The following PDE4D variants were observed in gnomAD, a reference collection of about 807,000 sequenced individuals.
PDE4D encodes the protein phosphodiesterase 4D, also known as 3',5'-cyclic-AMP phosphodiesterase 4D.
A neutral mutation model predicts 87.4 loss-of-function variants in PDE4D; 24 were observed. The observed-to-expected ratio is 0.27, with a 90% CI of 0.20 to 0.39. PDE4D has a LOEUF of 0.39. Among genes scored for constraint, PDE4D ranks in the 10% least tolerant of loss-of-function variants. The pLI is 1.00. For synonymous variants in PDE4D, 384 were observed against 383.2 expected (o/e 1.00, Z -0.02); for missense variants, 714 against 1,041.0 (o/e 0.69, Z 4.32).
chr5:59,874,620 A>C (rs1336740609), intron 1 of PDE4D, among the ~76,000 whole-genome samples: 1 of 152,240 alleles, frequency 6.6e-6, no homozygotes, highest in Non-Finnish European at 1.5e-5. Flanking sequence ...GTAATATTAT[A>C]TGTAAAAAAG....
intron 5 of PDE4D, among the ~76,000 whole-genome samples, chr5:59,081,909 G>T (rs1766843734): frequency 6.6e-6 from 1 of 152,010 alleles, no homozygotes; most frequent in Admixed American, 6.6e-5. Flanking sequence ...GAATCATAGG[G>T]CAGTTTCCCC....
intron 2 of PDE4D, among the ~76,000 whole-genome samples, chr5:60,046,571 C>G (rs970889267): frequency 2.0e-5 from 3 of 152,136 alleles, no homozygotes; most frequent in Non-Finnish European, 4.4e-5. Context: ...GAGTTTTTAG[C>G]ATGAAGCATT....
chr5:60,436,412 T>G (rs562336509), intron 1 of PDE4D, among the ~76,000 whole-genome samples: 1 of 152,210 alleles, frequency 6.6e-6, no homozygotes, highest in East Asian at 1.9e-4. Context: ...GAGCTCTCCT[T>G]TGAATGTTTT....
At chr5:59,063,510 A>G (rs2153412931) in intron 5 of PDE4D, 1 of 152,314 alleles carries the variant, frequency 6.6e-6, no homozygotes, top group African/African-American at 2.4e-5. Flanking sequence ...CCTTATTATA[A>G]TGCCTCTGGA....
rs1741459305 is a variant in PDE4D at position 59,640,833 on chromosome 5, G to A, written c.455+252335C>T. Among the ~76,000 whole-genome samples the A allele has an allele frequency of 2.0e-5, 3 of 152,324 alleles. No homozygotes were observed. In the Middle Eastern group the frequency reaches 0.01, roughly 518 times the overall value. ...AACAAACAAAAAGCTATTTTTGAGT[G>A]TGCCTGTTTATCAAGAGTGTTCTCT... On this transcript the variant is annotated intron_variant, in intron 1 of 14. Transcript: ENST00000340635.
intron 1 of PDE4D, among the ~76,000 whole-genome samples, chr5:59,523,209 TGC>T (rs1812532975): frequency 6.6e-6 from 1 of 152,194 alleles, no homozygotes; most frequent in South Asian, 2.1e-4. Context: ...AAGGTACACC[TGC>T]AAAAGCAGAA....
intron 9 of PDE4D, among the ~76,000 whole-genome samples, chr5:58,990,319 A>G (rs1561249360): frequency 6.6e-6 from 1 of 152,210 alleles, no homozygotes. Flanking sequence ...AGATATCTAC[A>G]GCAGCCTCAA....
intron 1 of PDE4D, among the ~76,000 whole-genome samples, chr5:59,811,467 G>T (rs923079046): frequency 8.5e-5 from 13 of 152,166 alleles, no homozygotes; most frequent in Non-Finnish European, 1.6e-4. Flanking sequence ...TCCCATATTA[G>T]CTACAATGGA....
At chr5:60,334,954 G>A (rs1391276729) in intron 1 of PDE4D, 3 of 152,082 alleles carry the variant, frequency 2.0e-5, no homozygotes, top group Non-Finnish European at 2.9e-5. Context: ...GAAAACAGCT[G>A]AACAGGGTGA....
intron 1 of PDE4D, among the ~76,000 whole-genome samples, chr5:59,816,572 T>C (rs909149441): frequency 1.3e-5 from 2 of 152,226 alleles, no homozygotes; most frequent in Admixed American, 6.5e-5. Context: ...TATCTAATGA[T>C]AGCAGCATGG....
intron 1 of PDE4D, among the ~76,000 whole-genome samples, chr5:59,772,383 G>A (rs1298799785): frequency 6.6e-6 from 1 of 152,156 alleles, no homozygotes. Context: ...TTTGAAAGTG[G>A]GCGAAATGTT....
chr5:60,177,977 T>C (rs1365306656), intron 2 of PDE4D, among the ~76,000 whole-genome samples: 1 of 152,182 alleles, frequency 6.6e-6, no homozygotes, highest in African/African-American at 2.4e-5. Context: ...GCACAAATTA[T>C]ATACACATTT....
intron 1 of PDE4D, among the ~76,000 whole-genome samples, chr5:59,786,609 G>A (rs1765204072): frequency 6.6e-6 from 1 of 152,166 alleles, no homozygotes; most frequent in African/African-American, 2.4e-5. Flanking sequence ...CTTTAGGCGA[G>A]GATAGTACTT....
intron 1 of PDE4D, among the ~76,000 whole-genome samples, chr5:59,289,745 T>C (rs1438551486): frequency 1.3e-5 from 2 of 152,030 alleles, no homozygotes; most frequent in Non-Finnish European, 2.9e-5. Flanking sequence ...AATTATCCCA[T>C]TTGCAGAAAA....
At chr5:60,324,330 A>T (rs1466545435) in intron 1 of PDE4D, among the ~76,000 whole-genome samples, 1 of 152,212 alleles carries the variant, frequency 6.6e-6, no homozygotes, top group African/African-American at 2.4e-5. Context: ...TCCTTATAAT[A>T]AACTAGGAGC....
At chr5:59,572,388 C>T (rs1048620763) in intron 1 of PDE4D, among the ~76,000 whole-genome samples, 5 of 151,972 alleles carry the variant, frequency 3.3e-5, no homozygotes, top group Admixed American at 6.6e-5. Flanking sequence ...TTTTCTTATA[C>T]TATCTATTTT....
intron 2 of PDE4D, among the ~76,000 whole-genome samples, chr5:60,151,755 T>A (rs761180331): frequency 6.6e-6 from 1 of 152,228 alleles, no homozygotes; most frequent in Non-Finnish European, 1.5e-5. Flanking sequence ...CTAATTCCTT[T>A]GATTAGGACT....
rs149017941 is a variant in PDE4D at position 59,574,783 on chromosome 5, A to G, written c.455+318385T>C. Among the ~76,000 whole-genome samples the G allele has an allele frequency of 4.5e-3, 691 of 152,272 alleles. 7 individuals are homozygous for G. The highest frequency in any genetic ancestry group is 0.016 in the African/African-American group (658 of 41,568). ...CTGCCTTCCCTAATGACATTCTCCA[A>G]TCCTCACCATCTCCATCACACTGAG... On this transcript the variant is annotated intron_variant, in intron 1 of 14. Transcript: ENST00000340635.
At chr5:60,239,267 G>A (rs910429395) in intron 1 of PDE4D, among the ~76,000 whole-genome samples, 1 of 152,056 alleles carries the variant, frequency 6.6e-6, no homozygotes, top group Non-Finnish European at 1.5e-5. Context: ...AGGGACACAT[G>A]AGTCTATTTC....
Sources: gnomAD v4.1 joint callset for allele counts (sites outside exome capture counted in the v4.1 genomes callset) on GRCh38, gnomAD v4.1.1 for gene constraint, MANE v1.5 for transcripts, NCBI Gene and HGNC (gene_info 2026-07-23, HGNC 2026-07-21) for gene names.